TOP3A: variants seen among roughly 807,000 people sequenced by gnomAD.
TOP3A encodes DNA topoisomerase 3-alpha.
In TOP3A, 64 loss-of-function variants were observed where a neutral mutation model predicts 111.3. The observed-to-expected ratio is 0.57, with a 90% CI of 0.47 to 0.71. The LOEUF (loss-of-function observed/expected upper bound fraction) is 0.71. Ranked by LOEUF, TOP3A falls within the 30% of genes least tolerant of loss-of-function variation. The pLI is 0.00. For missense variants in TOP3A, 1,104 were observed against 1,285.0 expected, an observed-to-expected ratio of 0.86 and a Z score of 2.15; for synonymous variants, 484 against 485.1, an observed-to-expected ratio of 1.00 and a Z score of 0.03.
At position 18,274,608 on chromosome 17, in the gene TOP3A, C is replaced by G. The variant is rs1466727265; in HGVS notation, c.*194G>C. On this transcript the variant is annotated 3_prime_UTR_variant, in exon 19 of 19. Coordinates refer to ENST00000321105, the MANE Select transcript of TOP3A (RefSeq NM_004618.5). ...CTCCTGAGGCCTGGGAAGAGGGTCA[C>G]TGTCCAGCAGAGCTGGCCTGCTCCA... 2.2e-6 allele frequency: 2 copies of G among 901,826 alleles called. No individual in the cohort carries two copies. Among genetic ancestry groups the G allele is most frequent in the Non-Finnish European group, 3.1e-6 (2 of 636,422 alleles). 55.9% of individuals were successfully genotyped at this position (901,826 alleles called of 1,614,324 possible). A position where few individuals can be genotyped will look rare whatever the true frequency, so the allele number is the denominator to read the frequency against.
rs762670812 is a variant in TOP3A, at chr17:18,314,796, G to A, written c.-18C>T. 3.1e-5 allele frequency: 47 copies of A among 1,494,764 alleles called. No individual in the cohort carries two copies. The highest frequency in any genetic ancestry group is 3.9e-5 in the Non-Finnish European group (44 of 1,117,594). 92.6% of individuals were successfully genotyped at this position (1,494,764 alleles called of 1,614,324 possible). On this transcript the variant is annotated 5_prime_UTR_variant, in exon 1 of 19. Coordinates refer to ENST00000321105, the MANE Select transcript of TOP3A (RefSeq NM_004618.5). ...AAGATCATCCTCAGACCTCGCGCCC[G>A]GAGCCGCTCCCCGGCTGCCGGCGCA...
Position 18,282,838 on chromosome 17 carries a change from C to T in TOP3A, c.1881G>A (p.Leu627=), listed in dbSNP as rs1375305952. ...CAAAGTACTGGGCCAAGGCCTCGTCCAATCTGAAGAAAAGGCAAAGACAGA... is the reference window on the plus strand; with the variant it reads ...CAAAGTACTGGGCCAAGGCCTCGTCTAATCTGAAGAAAAGGCAAAGACAGA... ...FIEAVAKAKK[L]DEALAQYFGN... Residue 627 remains leucine (L), a synonymous_variant, in exon 16 of 19, where the codon TTG becomes TTA. Transcript: ENST00000321105. 3.7e-6 allele frequency: 6 copies of T among 1,614,012 alleles called. No homozygotes were observed. In the South Asian group the frequency reaches 5.5e-5, roughly 15 times the overall value.
chr17:18,299,546 GT>G lies in TOP3A; in HGVS notation c.990+12del, dbSNP rs1567747062. 6.2e-7 allele frequency: 1 copy of G among 1,613,584 alleles called. No homozygotes were observed. The highest frequency in any genetic ancestry group is 8.5e-7 in the Non-Finnish European group (1 of 1,179,498). On this transcript the variant is annotated intron_variant, in intron 9 of 18. Coordinates refer to ENST00000321105, the MANE Select transcript of TOP3A (RefSeq NM_004618.5). ...GTTCCCCGAGTGCCTGAAACAGCCT[GT>G]CTGGAACATACCACAGTGTCCAAGG...
intron 3 of TOP3A, 125 bp from the exon 4 acceptor site, chr17:18,307,091 A>G (rs1194380689): frequency 6.1e-6 from 4 of 651,456 alleles, no homozygotes; most frequent in Non-Finnish European, 1.1e-5. Flanking sequence ...CGGTGAATTG[A>G]AAGTAAGGCT....
chr17:18,305,485 C>T lies in TOP3A; in HGVS notation c.391-265G>A, dbSNP rs866431142. 1.8e-4 allele frequency among the ~76,000 whole-genome samples: 27 copies of T among 147,856 alleles called. 1 individual carries two copies. In the South Asian group the frequency reaches 5.7e-3, roughly 31 times the overall value. ...CTGAAATTCAGCTCTAACACACACA[C>T]ACGCGCGCGCGCGCGCGCGCACGCA... On this transcript the variant is annotated intron_variant, in intron 4 of 18. Coordinates refer to ENST00000321105, the MANE Select transcript of TOP3A (RefSeq NM_004618.5).
In TOP3A at chr17:18,277,669, C is replaced by T. The variant is rs1450563560; in HGVS notation, c.2827+6G>A. The T allele has an allele frequency of 6.3e-7, 1 of 1,596,240 alleles. No individual in the cohort carries two copies. On this transcript the variant is annotated splice_donor_region_variant and intron_variant, in intron 18 of 18. Transcript: ENST00000321105. The stretch of plus-strand genomic sequence containing the variant: ...GCAGGGATTCCCATGCCCCTCCCTG[C>T]CTCACCTGGAGCGGTGTTCTCATCG...
chr17:18,279,671 G>A (rs909146003), intron 17 of TOP3A, among the ~76,000 whole-genome samples: 1 of 152,104 alleles, frequency 6.6e-6, no homozygotes, highest in African/African-American at 2.4e-5. Flanking sequence ...TTACAGGCCT[G>A]AGCCACCAGG....
Position 18,308,926 on chromosome 17 carries a change from T to C in TOP3A, c.196A>G (p.Lys66Glu). Residue 66 changes from lysine (K) to glutamate (E), a missense_variant, in exon 2 of 19, where the codon AAA becomes GAA. Lys to Glu is a moderately conservative substitution (Grantham distance 56). Transcript: ENST00000321105. The stretch of plus-strand genomic sequence containing the variant: ...TCAAATTCATAGATCTTGTTGAATT[T>C]TGAAAGTCCTTCTCTCTATAAAACA... Reference protein sequence around the residue: ...GRMRRREGLSKFNKIYEFDYH... With the variant: ...GRMRRREGLSEFNKIYEFDYH... The C allele has an allele frequency of 6.4e-7, 1 of 1,554,100 alleles. No individual in the cohort carries two copies. Among genetic ancestry groups the C allele is most frequent in the Non-Finnish European group, 8.8e-7 (1 of 1,142,752 alleles).
chr17:18,302,978 A>G (rs1981333377), intron 5 of TOP3A: 2 of 430,590 alleles, frequency 4.6e-6, no homozygotes, highest in Admixed American at 4.0e-5. Context: ...GGGAAAAGAG[A>G]GATCAGATCG....
Position 18,314,672 on chromosome 17 carries a change from ACTTTCCGC to A in TOP3A, c.99_106del (p.Arg34ProfsTer36). ...GTCGTTTTTTTCGGCCACACAGAGGACTTTCCGCACGCCTCGGAGGGCCATCTCCATGG... is the reference window on the plus strand; with the variant it reads ...GTCGTTTTTTTCGGCCACACAGAGGAACGCCTCGGAGGGCCATCTCCATGG... On this transcript the variant is annotated frameshift_variant, in exon 1 of 19. Coordinates refer to ENST00000321105, the MANE Select transcript of TOP3A (RefSeq NM_004618.5). LOFTEE classifies it high-confidence loss of function. 6.2e-7 allele frequency: 1 copy of A among 1,613,142 alleles called. No homozygotes were observed. Among genetic ancestry groups the A allele is most frequent in the Non-Finnish European group, 8.5e-7 (1 of 1,179,648 alleles).
chr17:18,307,891 C>A (rs4925167), intron 3 of TOP3A, among the ~76,000 whole-genome samples: 1 of 134,746 alleles, frequency 7.4e-6, no homozygotes, highest in Non-Finnish European at 1.5e-5. Flanking sequence ...GCCTGGGTAA[C>A]GCAGCGAGAC....
chr17:18,287,331 C>A (rs558959761), intron 13 of TOP3A, among the ~76,000 whole-genome samples: 1 of 151,866 alleles, frequency 6.6e-6, no homozygotes, highest in East Asian at 2.0e-4. Flanking sequence ...GTCAGGAATT[C>A]GAGACCAGCT....
chr17:18,277,384 T>C (rs1979444274), intron 18 of TOP3A, among the ~76,000 whole-genome samples: 1 of 152,172 alleles, frequency 6.6e-6, no homozygotes, highest in Non-Finnish European at 1.5e-5. Flanking sequence ...ATTGTGATCA[T>C]AATGCTTACC....
rs1979100616 is a variant in TOP3A, at chr17:18,273,133, AATACCCCATC to A, written c.*1659_*1668del. The A allele has an allele frequency of 6.6e-6, 1 of 152,152 alleles. No individual in the cohort carries two copies. 9.4% of individuals were successfully genotyped at this position (152,152 alleles called of 1,614,324 possible). ...ACCTGCATTTGTAAAAATCCTCCCC[AATACCCCATC>A]AGAACACAGAGCCACTGGTCTATGG... On this transcript the variant is annotated 3_prime_UTR_variant, in exon 19 of 19. Transcript: ENST00000321105.
chr17:18,309,470 C>G (rs541639110), intron 1 of TOP3A, among the ~76,000 whole-genome samples: 37 of 151,996 alleles, frequency 2.4e-4, no homozygotes, highest in African/African-American at 8.2e-4. Context: ...TGGTGAAACC[C>G]CATCTCTACT....
chr17:18,275,706 T>C (rs900607625), intron 18 of TOP3A, among the ~76,000 whole-genome samples: 6 of 142,246 alleles, frequency 4.2e-5, no homozygotes, highest in African/African-American at 1.6e-4. Context: ...TAGGCTGGAA[T>C]GCAGTGGTGC....
At chr17:18,305,484 A>ACGCG (rs780995241) in intron 4 of TOP3A, among the ~76,000 whole-genome samples, 11 of 147,882 alleles carry the variant, frequency 7.4e-5, no homozygotes, top group Non-Finnish European at 1.6e-4. Flanking sequence ...TAACACACAC[A>ACGCG]CACGCGCGCG....
chr17:18,286,072 C>T (rs893964587), intron 13 of TOP3A, among the ~76,000 whole-genome samples: 3 of 152,018 alleles, frequency 2.0e-5, no homozygotes, highest in Non-Finnish European at 4.4e-5. Flanking sequence ...TGGCGGCACG[C>T]ACCTGTAGTC....
chr17:18,289,063 A>G (rs972488817), intron 13 of TOP3A, among the ~76,000 whole-genome samples: 1 of 152,118 alleles, frequency 6.6e-6, no homozygotes, highest in African/African-American at 2.4e-5. Flanking sequence ...CCCAGGCTGG[A>G]GTGCAGTGCT....
Sources: allele counts gnomAD v4.1 joint callset (sites outside exome capture counted in the v4.1 genomes callset), GRCh38; gene constraint gnomAD v4.1.1; transcripts MANE v1.5; gene names NCBI Gene and HGNC (gene_info 2026-07-23, HGNC 2026-07-21).